The following HHIPL1 variants were observed in gnomAD, a reference collection of about 807,000 sequenced individuals.
HHIPL1 encodes HHIP like 1.
HHIPL1 carries 43 observed loss-of-function variants against 61.8 expected under a neutral mutation model. The ratio of observed to expected loss-of-function variants is 0.70; its 90% CI spans 0.55 to 0.90. The LOEUF is 0.90. Among genes scored for constraint, HHIPL1 ranks in the 40% least tolerant of loss-of-function variants. The probability of loss-of-function intolerance (pLI) is 0.00; values close to 1 mark genes in which losing one functional copy is unlikely to be tolerated. For synonymous variants in HHIPL1, 482 were observed against 515.8 expected (o/e 0.93, Z 0.89); for missense variants, 1,056 against 1,157.7 (o/e 0.91, Z 1.28).
In HHIPL1 at chr14:99,678,502, T is replaced by C. The variant is rs2140101983; in HGVS notation, c.*2876T>C. 6.6e-6 allele frequency: 1 copy of C among 152,348 alleles called. No individual in the cohort carries two copies. Among genetic ancestry groups the C allele is most frequent in the South Asian group, 2.1e-4 (1 of 4,826 alleles). The allele number at this position is 152,348 out of a possible 1,614,324, so 9.4% of individuals were successfully genotyped here. On this transcript the variant is annotated 3_prime_UTR_variant, in exon 9 of 9. Transcript: ENST00000330710. ...GAAGCAATTGTTAGCCCTTATGCAG[T>C]TTGTCCCTGCTACTGTGTCCTATGT...
At chr14:99,656,916 A>G (rs970484683) in intron 2 of HHIPL1, 84 bp from the exon 3 acceptor site, 32 of 930,468 alleles carry the variant, frequency 3.4e-5, no homozygotes, top group Non-Finnish European at 4.6e-5. Flanking sequence ...TTGTGAAATG[A>G]CATCCAAGGA....
In HHIPL1 at chr14:99,677,445, G is replaced by A. The variant is rs542985814; in HGVS notation, c.*1819G>A. The A allele has an allele frequency of 6.6e-6, 1 of 152,338 alleles. No individual in the cohort carries two copies. Among genetic ancestry groups the A allele is most frequent in the Admixed American group, 6.5e-5 (1 of 15,308 alleles). 9.4% of individuals were successfully genotyped at this position (152,338 alleles called of 1,614,324 possible). ...CCGCTGCTGGCCTCATGCTCCTCTC[G>A]GGCCTCCAGTGGCCCAGGGGAGGTT... On this transcript the variant is annotated 3_prime_UTR_variant, in exon 9 of 9. Coordinates refer to ENST00000330710, the MANE Select transcript of HHIPL1 (RefSeq NM_001127258.3). This position sits in a 1 kb window ranked among gnomAD's most constrained non-coding sequence, Gnocchi z 4.3.
At chr14:99,614,717 G>A in the HHIPL1 span, among the ~76,000 whole-genome samples, 5 of 152,134 alleles carry the variant, frequency 3.3e-5, no homozygotes, top group East Asian at 3.9e-4. Flanking sequence ...TTTCTCTAAC[G>A]TTATCCAGAT....
chr14:99,640,459 AT>A (rs148877652), upstream of HHIPL1, among the ~76,000 whole-genome samples: 35,589 of 151,648 alleles, frequency 0.23, 4,411 homozygotes, highest in Middle Eastern at 0.36. Context: ...TAATTTTTGT[AT>A]TTTTTGTCGA....
In HHIPL1 at chr14:99,656,775, C is replaced by CAAA. The variant is rs34543800; in HGVS notation, c.903-222_903-220dup. 6.5e-3 allele frequency among the ~76,000 whole-genome samples: 24 copies of CAAA among 3,668 alleles called. 8 individuals carry two copies. The highest frequency in any genetic ancestry group is 0.018 in the Non-Finnish European group (3 of 166). 2.4% of individuals were successfully genotyped at this position (3,668 alleles called of 152,430 possible). On this transcript the variant is annotated intron_variant, in intron 2 of 8. Transcript: ENST00000330710. ...TGGTGACAGAGCAACACTCTGTCTG[C>CAAA]AAAAAGAAAAGAAAAGAAAGAAAGA...
At chr14:99,607,179 C>T in the HHIPL1 span, among the ~76,000 whole-genome samples, 1 of 151,920 alleles carries the variant, frequency 6.6e-6, no homozygotes, top group African/African-American at 2.4e-5. Context: ...ACCACAGGCA[C>T]CACCATGCCT....
chr14:99,621,147 G>A, the HHIPL1 span, among the ~76,000 whole-genome samples: 3 of 151,800 alleles, frequency 2.0e-5, no homozygotes, highest in Non-Finnish European at 4.4e-5. Flanking sequence ...CACCCAGACT[G>A]GAGTGCAGTG....
At chr14:99,606,567 CCT>C in the HHIPL1 span, among the ~76,000 whole-genome samples, 1 of 152,236 alleles carries the variant, frequency 6.6e-6, no homozygotes, top group Non-Finnish European at 1.5e-5. Context: ...GTTCCTGGGG[CCT>C]GTTATCTCTG....
chr14:99,634,021 C>A, the HHIPL1 span, among the ~76,000 whole-genome samples: 5 of 152,266 alleles, frequency 3.3e-5, no homozygotes, highest in African/African-American at 1.2e-4. Flanking sequence ...AGCAAAGCTG[C>A]CGTTCAGTCC....
At chr14:99,607,860 C>G in the HHIPL1 span, among the ~76,000 whole-genome samples, 2 of 152,110 alleles carry the variant, frequency 1.3e-5, no homozygotes, top group African/African-American at 4.8e-5. Flanking sequence ...CATTAGCTCA[C>G]TGAACATAGA....
chr14:99,642,070 G>C (rs1417616954), upstream of HHIPL1, among the ~76,000 whole-genome samples: 2 of 151,928 alleles, frequency 1.3e-5, no homozygotes, highest in African/African-American at 2.4e-5. Flanking sequence ...CTCCCGAGTA[G>C]CTGGGATTAC....
Position 99,675,427 on chromosome 14 carries a change from G to A in HHIPL1, c.2150G>A (p.Gly717Glu), listed in dbSNP as rs1222377027. 6.5e-7 allele frequency: 1 copy of A among 1,534,422 alleles called. No homozygotes were observed. The highest frequency in any genetic ancestry group is 1.2e-5 in the South Asian group (1 of 83,568). Residue 717 changes from glycine to glutamate, a missense_variant, in exon 9 of 9, where the codon GGG becomes GAG. Transcript: ENST00000330710. The surrounding 1 kb of genome is among the most constrained non-coding windows in gnomAD (Gnocchi z 5.4). ...SGAAVVCRQL[G>E]FAYAVRAVKR... ...GCCGCCGTCGTGTGTCGCCAGCTGG[G>A]GTTTGCCTACGCCGTGCGCGCCGTC...
chr14:99,635,647 A>T, the HHIPL1 span, among the ~76,000 whole-genome samples: 10 of 150,476 alleles, frequency 6.6e-5, no homozygotes, highest in East Asian at 1.9e-3. Context: ...TGGTGAGCCC[A>T]TCTCATTCAT....
rs1443558496 is a variant in HHIPL1, at chr14:99,678,830, A to G, written c.*3204A>G. 6.6e-6 allele frequency: 1 copy of G among 152,264 alleles called. No homozygotes were observed. Among genetic ancestry groups the G allele is most frequent in the Admixed American group, 6.5e-5 (1 of 15,292 alleles). The allele number at this position is 152,264 out of a possible 1,614,324, so 9.4% of individuals were successfully genotyped here. On this transcript the variant is annotated 3_prime_UTR_variant, in exon 9 of 9. Coordinates refer to ENST00000330710, the MANE Select transcript of HHIPL1 (RefSeq NM_001127258.3). ...GCTTGACAAAGAGTTATTAGCATAA[A>G]GCAAGGAGGTTTGAAGGAAGTTCGT... is the stretch of plus-strand genomic sequence containing the variant.
chr14:99,653,752 C>T (rs1011425944), intron 2 of HHIPL1, among the ~76,000 whole-genome samples: 3 of 152,200 alleles, frequency 2.0e-5, no homozygotes, highest in Non-Finnish European at 4.4e-5. Flanking sequence ...ATGATTTATG[C>T]CCCAACTGTT....
At chr14:99,646,807 G>GATATAATATA (rs1265328400) in intron 1 of HHIPL1, among the ~76,000 whole-genome samples, 1 of 56,460 alleles carries the variant, frequency 1.8e-5, no homozygotes, top group African/African-American at 5.0e-5. Flanking sequence ...GATATGATAT[G>GATATAATATA]ATATGATATG....
At chr14:99,629,035 C>T in the HHIPL1 span, among the ~76,000 whole-genome samples, 1,769 of 152,294 alleles carry the variant, frequency 0.012, 44 homozygotes, top group African/African-American at 0.041. Flanking sequence ...CCTAGCGGCC[C>T]GAGGAGTTGC....
At chr14:99,666,029 G>C (rs1259695412) in intron 6 of HHIPL1, among the ~76,000 whole-genome samples, 1 of 152,104 alleles carries the variant, frequency 6.6e-6, no homozygotes, top group Non-Finnish European at 1.5e-5. Context: ...TGATCTGCCC[G>C]CCTTGGCCTT....
At position 99,645,247 on chromosome 14, in the gene HHIPL1, G is replaced by A. The variant is rs918456126; in HGVS notation, c.40G>A (p.Val14Met). 3 of 1,369,658 alleles carry A rather than the reference G, an allele frequency of 2.2e-6. No homozygotes were observed. Among genetic ancestry groups the A allele is most frequent in the South Asian group, 1.7e-5 (1 of 58,348 alleles). The allele number at this position is 1,369,658 out of a possible 1,614,324, so 84.8% of individuals were successfully genotyped here. The change falls in exon 1 of 9, where the codon GTG becomes ATG. Residue 14 changes from valine to methionine, a missense_variant. Coordinates refer to ENST00000330710, the MANE Select transcript of HHIPL1 (RefSeq NM_001127258.3). ...GGCCGGGGCGCTGCTGGCGCTTTGG[G>A]TGCTCGGGGCCGCCGCGCATCCGCA... ...ARAGALLALW[V>M]LGAAAHPQCL...
Sources: gnomAD v4.1 joint callset for allele counts (sites outside exome capture counted in the v4.1 genomes callset) on GRCh38, gnomAD v4.1.1 for gene constraint, Gnocchi (gnomAD v3.1) non-coding constraint, MANE v1.5 for transcripts, NCBI Gene and HGNC (gene_info 2026-07-23, HGNC 2026-07-21) for gene names.